The following CST3 variants were observed in gnomAD, a reference collection of about 807,000 sequenced individuals.
CST3 encodes the protein cystatin C.
Under a neutral mutation model 9.0 loss-of-function variants are expected in CST3, and 14 were observed. The ratio of observed to expected loss-of-function variants is 1.56; its 90% CI spans 1.03 to 2.44. The LOEUF (loss-of-function observed/expected upper bound fraction) is 2.44. CST3 is among the 30% of genes most tolerant of loss of function. The probability of loss-of-function intolerance (pLI) is 0.00; values close to 1 mark genes in which losing one functional copy is unlikely to be tolerated. For synonymous variants in CST3, 96 were observed against 90.2 expected, an observed-to-expected ratio of 1.06 and a Z score of -0.37; for missense variants, 237 against 204.3, an observed-to-expected ratio of 1.16 and a Z score of -0.98.
In CST3 at chr20:23,637,832, G is replaced by A. The variant is rs1158063528; in HGVS notation, c.31C>T (p.Leu11=). 2 of 1,446,766 alleles carry A rather than the reference G, an allele frequency of 1.4e-6. No homozygotes were observed. The highest frequency in any genetic ancestry group is 1.8e-6 in the Non-Finnish European group (2 of 1,105,150). The allele number at this position is 1,446,766 out of a possible 1,614,324, so 89.6% of individuals were successfully genotyped here. Residue 11 remains leucine (L), a synonymous_variant, in exon 1 of 3, where the codon CTG becomes TTG. Coordinates refer to ENST00000376925, the MANE Select transcript of CST3 (RefSeq NM_000099.4). MAGPLRAPLL[L]LAILAVALAV... ...AGGGCCACGGCCAGGATGGCCAGCA[G>A]GAGCAGCGGGGCGCGCAGGGGCCCG...
chr20:23,635,375 T>C lies in CST3; in HGVS notation c.244-8A>G, dbSNP rs764465989. The C allele has an allele frequency of 1.5e-5, 24 of 1,612,114 alleles. No individual in the cohort carries two copies. The highest frequency in any genetic ancestry group is 1.9e-5 in the Non-Finnish European group (22 of 1,178,722). On this transcript the variant is annotated splice_region_variant and splice_polypyrimidine_tract_variant and intron_variant, in intron 1 of 2. Coordinates refer to ENST00000376925, the MANE Select transcript of CST3 (RefSeq NM_000099.4). ...GTTCACCCCAGCTACGATCTACACA[T>C]GTGAAAGAGCAGGAGGCAGGGACAG...
At chr20:23,634,777 C>T (rs180949711) in intron 2 of CST3, among the ~76,000 whole-genome samples, 3 of 152,256 alleles carry the variant, frequency 2.0e-5, no homozygotes, top group Non-Finnish European at 4.4e-5. Flanking sequence ...CTCCACACCA[C>T]CCCGTCTACA....
chr20:23,629,882 T>C (rs1269305785), downstream of CST3, among the ~76,000 whole-genome samples: 1 of 152,142 alleles, frequency 6.6e-6, no homozygotes, highest in Admixed American at 6.5e-5. Context: ...TTTCCTGAAA[T>C]CACCGACAAA....
At chr20:23,632,856 G>C (rs181484782), downstream of CST3, among the ~76,000 whole-genome samples, 2 of 152,294 alleles carry the variant, frequency 1.3e-5, no homozygotes, top group African/African-American at 4.8e-5. Flanking sequence ...CTATTCTATA[G>C]GATAATGCTG....
Position 23,633,685 on chromosome 20 carries a change from T to C in CST3, c.*231A>G. The C allele has an allele frequency of 1.6e-6, 1 of 621,694 alleles. No homozygotes were observed. 38.5% of individuals were successfully genotyped at this position (621,694 alleles called of 1,614,324 possible). ...GATGCTACTATTTTATTGCAGGAGG[T>C]GGGGGTGTATGCACCGCACACCGGG... On this transcript the variant is annotated 3_prime_UTR_variant, in exon 3 of 3. Coordinates refer to ENST00000376925, the MANE Select transcript of CST3 (RefSeq NM_000099.4).
At chr20:23,629,734 T>TG (rs72386437), downstream of CST3, among the ~76,000 whole-genome samples, 1 of 115,100 alleles carries the variant, frequency 8.7e-6, no homozygotes, top group African/African-American at 3.3e-5. Flanking sequence ...CAGTGACTGG[T>TG]GGGGGGGGGA....
chr20:23,631,780 A>G (rs1454750035), downstream of CST3: 4 of 152,388 alleles, frequency 2.6e-5, no homozygotes, highest in East Asian at 5.8e-4. Context: ...TCAAAGCACT[A>G]TGTTATAAAG....
At chr20:23,633,579 G>A, downstream of CST3, 1 of 483,242 alleles carries the variant, frequency 2.1e-6, no homozygotes, top group South Asian at 2.1e-5. Flanking sequence ...CACACCAGCA[G>A]GACAAGGAGG....
chr20:23,636,919 G>A (rs1156862212), intron 1 of CST3, among the ~76,000 whole-genome samples: 1 of 152,226 alleles, frequency 6.6e-6, no homozygotes, highest in Non-Finnish European at 1.5e-5. Context: ...TTTCAAAATG[G>A]AATAGTGATT....
intron 1 of CST3, among the ~76,000 whole-genome samples, chr20:23,635,591 A>G (rs151272048): frequency 2.0e-5 from 3 of 152,322 alleles, no homozygotes; most frequent in Middle Eastern, 3.4e-3. Context: ...CTCTATGCCA[A>G]TGCCAAGGAT....
downstream of CST3, among the ~76,000 whole-genome samples, chr20:23,629,983 G>A (rs144292360): frequency 6.8e-4 from 104 of 152,310 alleles, no homozygotes; most frequent in African/African-American, 2.5e-3. Flanking sequence ...AGGGCTACAC[G>A]TTTGCAGAGA....
chr20:23,633,568 T>C, downstream of CST3: 1 of 458,756 alleles, frequency 2.2e-6, no homozygotes, highest in Non-Finnish European at 4.0e-6. Context: ...CCTCTCATCT[T>C]CACACCAGCA....
At position 23,637,647 on chromosome 20, in the gene CST3, C is replaced by A; in HGVS notation, c.216G>T (p.Ala72=). Residue 72 remains alanine, a synonymous_variant, in exon 1 of 3, where the codon GCG becomes GCT. Transcript: ENST00000376925. ...GCTTGCGGGCGCGCACCACCTGCAG[C>A]GCGCGGCTGTGGTACATGTCGTTGC... ...KASNDMYHSR[A]LQVVRARKQI... The A allele has an allele frequency of 6.5e-7, 1 of 1,526,908 alleles. No individual in the cohort carries two copies. The highest frequency in any genetic ancestry group is 8.8e-7 in the Non-Finnish European group (1 of 1,137,982). 94.6% of individuals were successfully genotyped at this position (1,526,908 alleles called of 1,614,324 possible).
At chr20:23,629,223 G>A (rs1979358854), downstream of CST3, 1 of 152,254 alleles carries the variant, frequency 6.6e-6, no homozygotes, top group African/African-American at 2.4e-5. Context: ...GGGGAGGAGG[G>A]GTGAATCCTC....
chr20:23,626,988 G>A (rs938543683), exon 4 of CST3: 3 of 152,166 alleles, frequency 2.0e-5, no homozygotes, highest in Admixed American at 6.5e-5. Flanking sequence ...TTTGCCTTAG[G>A]TAAAATGTAG....
chr20:23,633,706 C>A lies in CST3; in HGVS notation c.*210G>T. 1 of 656,798 alleles carries A rather than the reference C, an allele frequency of 1.5e-6. No individual in the cohort carries two copies. The highest frequency in any genetic ancestry group is 1.7e-5 in the South Asian group (1 of 58,622). 40.7% of individuals were successfully genotyped at this position (656,798 alleles called of 1,614,324 possible). A position where few individuals can be genotyped will look rare whatever the true frequency, so the allele number is the denominator to read the frequency against. On this transcript the variant is annotated 3_prime_UTR_variant, in exon 3 of 3. Coordinates refer to ENST00000376925, the MANE Select transcript of CST3 (RefSeq NM_000099.4). Reference sequence around the variant, plus strand: ...GAGGTGGGGGTGTATGCACCGCACACCGGGGCTATGAGAAGCAAGAAGGAA... The same window carrying A: ...GAGGTGGGGGTGTATGCACCGCACAACGGGGCTATGAGAAGCAAGAAGGAA...
Position 23,637,659 on chromosome 20 carries a change from G to A in CST3, c.204C>T (p.Tyr68=). Residue 68 remains tyrosine (Y), a synonymous_variant, in exon 1 of 3, where the codon TAC becomes TAT. Coordinates refer to ENST00000376925, the MANE Select transcript of CST3 (RefSeq NM_000099.4). ...GEYNKASNDM[Y]HSRALQVVRA... ...GCACCACCTGCAGCGCGCGGCTGTG[G>A]TACATGTCGTTGCTGGCTTTGTTGT... The A allele has an allele frequency of 6.5e-7, 1 of 1,534,034 alleles. No homozygotes were observed. The highest frequency in any genetic ancestry group is 8.8e-7 in the Non-Finnish European group (1 of 1,141,108).
chr20:23,632,758 C>A (rs1169397229), downstream of CST3, among the ~76,000 whole-genome samples: 3 of 152,314 alleles, frequency 2.0e-5, no homozygotes, highest in Middle Eastern at 6.8e-3. Context: ...AAGGGCTGCA[C>A]CCCTGTCCTA....
chr20:23,636,464 C>G (rs978442071), intron 1 of CST3, among the ~76,000 whole-genome samples: 9 of 152,152 alleles, frequency 5.9e-5, no homozygotes, highest in Admixed American at 2.0e-4. Flanking sequence ...CATGCTCCAC[C>G]CCAGCAGGGA....
Sources: allele counts gnomAD v4.1 joint callset (sites outside exome capture counted in the v4.1 genomes callset), GRCh38; gene constraint gnomAD v4.1.1; transcripts MANE v1.5; gene names NCBI Gene and HGNC (gene_info 2026-07-23, HGNC 2026-07-21).